The following LPCAT2 variants were observed in gnomAD, a reference collection of about 807,000 sequenced individuals.
LPCAT2 encodes lysophosphatidylcholine acyltransferase 2.
Under a neutral mutation model 64.7 loss-of-function variants are expected in LPCAT2, and 58 were observed. The ratio of observed to expected loss-of-function variants is 0.90; its 90% confidence interval spans 0.73 to 1.12. LPCAT2 has a LOEUF of 1.12. Ranked by LOEUF, LPCAT2 falls within the 50% of genes most tolerant of loss-of-function variation. The pLI, the probability that LPCAT2 is intolerant of heterozygous loss-of-function variation, is 0.00. For missense variants in LPCAT2, 579 were observed against 669.8 expected, an observed-to-expected ratio of 0.86 and a Z score of 1.50; for synonymous variants, 252 against 245.3, an observed-to-expected ratio of 1.03 and a Z score of -0.26.
chr16:55,578,084 C>A (rs1963847948), intron 12 of LPCAT2, among the ~76,000 whole-genome samples: 1 of 152,112 alleles, frequency 6.6e-6, no homozygotes. Flanking sequence ...AAGATACATG[C>A]TCTGATTTCT....
intron 1 of LPCAT2, among the ~76,000 whole-genome samples, chr16:55,510,667 A>G (rs968128712): frequency 6.6e-6 from 1 of 152,308 alleles, no homozygotes; most frequent in East Asian, 1.9e-4. Flanking sequence ...GAGGAAGAAG[A>G]TAAAGAATGT....
At chr16:55,577,085 C>T (rs189673237) in intron 12 of LPCAT2, among the ~76,000 whole-genome samples, 10 of 152,190 alleles carry the variant, frequency 6.6e-5, no homozygotes, top group East Asian at 1.9e-4. Flanking sequence ...AAGTCCAAGG[C>T]GCATGAAGAG....
At chr16:55,575,770 C>T (rs1009730614) in intron 12 of LPCAT2, among the ~76,000 whole-genome samples, 8 of 152,172 alleles carry the variant, frequency 5.3e-5, no homozygotes, top group African/African-American at 1.7e-4. Context: ...GACAGAAGAG[C>T]CCCTGAGTTT....
intron 6 of LPCAT2, among the ~76,000 whole-genome samples, chr16:55,534,199 A>G (rs1429749225): frequency 6.6e-6 from 1 of 152,194 alleles, no homozygotes; most frequent in African/African-American, 2.4e-5. Flanking sequence ...AGTTTTTAAA[A>G]AATTAAAACA....
chr16:55,564,934 A>T (rs1963675961), intron 11 of LPCAT2, among the ~76,000 whole-genome samples: 1 of 152,018 alleles, frequency 6.6e-6, no homozygotes, highest in East Asian at 1.9e-4. Context: ...ATATTTACAA[A>T]TTATATATCT....
chr16:55,542,619 C>G (rs1440942863), intron 8 of LPCAT2, among the ~76,000 whole-genome samples: 2 of 151,952 alleles, frequency 1.3e-5, no homozygotes, highest in East Asian at 3.9e-4. Context: ...GTGAAAGATT[C>G]TAAGTAACAG....
At chr16:55,577,964 C>G (rs1467717239) in intron 12 of LPCAT2, among the ~76,000 whole-genome samples, 1 of 152,180 alleles carries the variant, frequency 6.6e-6, no homozygotes. Flanking sequence ...ATAATCAAAT[C>G]CAACAAACGG....
intron 1 of LPCAT2, among the ~76,000 whole-genome samples, chr16:55,524,981 TTTC>T (rs766060078): frequency 2.6e-5 from 4 of 152,186 alleles, no homozygotes; most frequent in African/African-American, 7.2e-5. Flanking sequence ...TTACTTTTCA[TTTC>T]TTCTTCTTAT....
chr16:55,527,210 A>C (rs971835724), intron 2 of LPCAT2, among the ~76,000 whole-genome samples: 17 of 152,146 alleles, frequency 1.1e-4, no homozygotes, highest in Admixed American at 3.3e-4. Flanking sequence ...TATTACAAAA[A>C]TGTGGAGAAA....
intron 8 of LPCAT2, chr16:55,541,151 A>G (rs1415508628): frequency 1.3e-5 from 2 of 152,196 alleles, no homozygotes; most frequent in African/African-American, 2.4e-5. Context: ...CACGGAAAGC[A>G]AAATCCCAGA....
At chr16:55,519,291 G>A (rs1432661114) in intron 1 of LPCAT2, among the ~76,000 whole-genome samples, 4 of 151,642 alleles carry the variant, frequency 2.6e-5, no homozygotes, top group African/African-American at 7.3e-5. Context: ...ACGGGGTCAG[G>A]ACATTGAGAC....
chr16:55,585,265 AATC>A lies in LPCAT2; in HGVS notation c.*2170_*2172del, dbSNP rs1453882618. ...TATGTTTACATATTTATGAATGATT[AATC>A]ATTTTTGTTTGCATTAAACTTTATG... On this transcript the variant is annotated 3_prime_UTR_variant, in exon 14 of 14. Coordinates refer to ENST00000262134, the MANE Select transcript of LPCAT2 (RefSeq NM_017839.5). 6.6e-6 allele frequency: 1 copy of A among 152,214 alleles called. No individual in the cohort carries two copies. Among genetic ancestry groups the A allele is most frequent in the Non-Finnish European group, 1.5e-5 (1 of 68,018 alleles). The allele number at this position is 152,214 out of a possible 1,614,324, so 9.4% of individuals were successfully genotyped here. A position where few individuals can be genotyped will look rare whatever the true frequency, so the allele number is the denominator to read the frequency against.
intron 9 of LPCAT2, 61 bp downstream of exon 9, chr16:55,545,878 T>C (rs1219942566): frequency 1.6e-5 from 21 of 1,338,084 alleles, no homozygotes; most frequent in Non-Finnish European, 2.2e-5. Flanking sequence ...TGCATGTCGT[T>C]TAACTCATTT....
intron 11 of LPCAT2, chr16:55,567,564 G>C: frequency 1.3e-6 from 2 of 1,528,882 alleles, no homozygotes; most frequent in Non-Finnish European, 1.8e-6. Context: ...TTGCCAAGCT[G>C]TACACAGTTG....
chr16:55,518,275 A>G lies in LPCAT2; in HGVS notation c.172-7233A>G, dbSNP rs117433693. On this transcript the variant is annotated intron_variant, in intron 1 of 13. Coordinates refer to ENST00000262134, the MANE Select transcript of LPCAT2 (RefSeq NM_017839.5). Reference sequence around the variant, plus strand: ...ATATCATTGAAAGAAATTAGAGACGACTTAAATAAATGGGAAGACATCCTG... The same window carrying G: ...ATATCATTGAAAGAAATTAGAGACGGCTTAAATAAATGGGAAGACATCCTG... Among the ~76,000 whole-genome samples the G allele has an allele frequency of 2.7e-3, 416 of 151,750 alleles. 10 individuals carry two copies. The South Asian group carries it at 0.05, about 18-fold the overall frequency.
chr16:55,555,256 C>A (rs1216425744), intron 11 of LPCAT2, among the ~76,000 whole-genome samples: 1 of 152,138 alleles, frequency 6.6e-6, no homozygotes, highest in Non-Finnish European at 1.5e-5. Flanking sequence ...ATGTAGAATT[C>A]TGAGTTGACT....
In LPCAT2 at chr16:55,583,214, A is replaced by G; in HGVS notation, c.*116A>G. 1 of 831,444 alleles carries G rather than the reference A, an allele frequency of 1.2e-6. No homozygotes were observed. Among genetic ancestry groups the G allele is most frequent in the Non-Finnish European group, 1.8e-6 (1 of 564,572 alleles). The allele number at this position is 831,444 out of a possible 1,614,324, so 51.5% of individuals were successfully genotyped here. A position where few individuals can be genotyped will look rare whatever the true frequency, so the allele number is the denominator to read the frequency against. On this transcript the variant is annotated 3_prime_UTR_variant, in exon 14 of 14. Coordinates refer to ENST00000262134, the MANE Select transcript of LPCAT2 (RefSeq NM_017839.5). ...TGTTTAAAATTGAAAGATTTTTAAA[A>G]CAAAAATGATAGATTTTCTTACTAA... is the stretch of plus-strand genomic sequence containing the variant.
chr16:55,538,700 A>G (rs1311236013), intron 8 of LPCAT2: 3 of 150,752 alleles, frequency 2.0e-5, no homozygotes, highest in Admixed American at 6.6e-5. Flanking sequence ...AAAAAAAAAA[A>G]AAAGAAAACC....
At position 55,584,865 on chromosome 16, in the gene LPCAT2, G is replaced by A. The variant is rs1197165287; in HGVS notation, c.*1767G>A. The A allele has an allele frequency of 6.6e-6, 1 of 152,026 alleles. No individual in the cohort carries two copies. Among genetic ancestry groups the A allele is most frequent in the Non-Finnish European group, 1.5e-5 (1 of 67,982 alleles). The allele number at this position is 152,026 out of a possible 1,614,324, so 9.4% of individuals were successfully genotyped here. A position where few individuals can be genotyped will look rare whatever the true frequency, so the allele number is the denominator to read the frequency against. ...TATGTCTTAAAGCTATTTAAACAAG[G>A]TGTTAAATGAGCCAAAACAATTAAG... On this transcript the variant is annotated 3_prime_UTR_variant, in exon 14 of 14. Coordinates refer to ENST00000262134, the MANE Select transcript of LPCAT2 (RefSeq NM_017839.5).
Sources: allele counts gnomAD v4.1 joint callset (sites outside exome capture counted in the v4.1 genomes callset), GRCh38; gene constraint gnomAD v4.1.1; transcripts MANE v1.5; gene names NCBI Gene and HGNC (gene_info 2026-07-23, HGNC 2026-07-21).